Variants in ZNF69 observed in about 807,000 individuals in gnomAD.
The protein encoded by ZNF69 is ZNF3.
A neutral mutation model predicts 50.9 loss-of-function variants in ZNF69; 47 were observed. The ratio of observed to expected loss-of-function variants is 0.92; its 90% CI spans 0.73 to 1.18. The LOEUF (loss-of-function observed/expected upper bound fraction) is 1.18. ZNF69 is among the 50% of genes most tolerant of loss of function. The pLI is 0.00. For synonymous variants in ZNF69, 216 were observed against 223.1 expected (o/e 0.97, Z 0.29); for missense variants, 717 against 675.1 (o/e 1.06, Z -0.69).
chr19:11,956,360 T>C, the ZNF69 span: 1 of 381,328 alleles, frequency 2.6e-6, no homozygotes, highest in South Asian at 1.5e-4. Flanking sequence ...TTTCTCAATA[T>C]GTTTATTGAG....
chr19:11,924,731 G>A, the ZNF69 span, among the ~76,000 whole-genome samples: 5 of 152,146 alleles, frequency 3.3e-5, no homozygotes, highest in Admixed American at 1.3e-4. Context: ...GCCTGGCCTG[G>A]TCTCGGTTCC....
chr19:11,950,658 C>G, the ZNF69 span: 1 of 313,434 alleles, frequency 3.2e-6, no homozygotes. Context: ...TGCCAAGATT[C>G]TTTGAATACA....
At chr19:11,898,116 A>AC (rs1441236537) in intron 1 of ZNF69, among the ~76,000 whole-genome samples, 20 of 152,200 alleles carry the variant, frequency 1.3e-4, no homozygotes, top group African/African-American at 4.8e-4. Flanking sequence ...TAACTGCCTT[A>AC]CATTTTTTTA....
the ZNF69 span, among the ~76,000 whole-genome samples, chr19:11,924,832 C>A: frequency 6.6e-6 from 1 of 152,280 alleles, no homozygotes; most frequent in African/African-American, 2.4e-5. Context: ...AACGAAGGAG[C>A]GGGGACTGTC....
the ZNF69 span, chr19:11,948,590 C>T: frequency 6.2e-7 from 1 of 1,607,852 alleles, no homozygotes; most frequent in Admixed American, 1.7e-5. Context: ...AGGGATCACA[C>T]TGGAGAGAAA....
chr19:11,965,345 G>T, the ZNF69 span: 1 of 1,279,204 alleles, frequency 7.8e-7, no homozygotes, highest in Non-Finnish European at 1.1e-6. Flanking sequence ...GGAGCTGCTC[G>T]GCCCTCGGTC....
chr19:11,965,625 C>G, the ZNF69 span, among the ~76,000 whole-genome samples: 1 of 152,192 alleles, frequency 6.6e-6, no homozygotes, highest in Non-Finnish European at 1.5e-5. Flanking sequence ...AGTACATTAA[C>G]AATTAAAGAG....
At chr19:11,955,152 A>G in the ZNF69 span, among the ~76,000 whole-genome samples, 912 of 151,582 alleles carry the variant, frequency 6.0e-3, 9 homozygotes, top group African/African-American at 0.022. Flanking sequence ...CTACAGGCGC[A>G]TACCACCATG....
chr19:11,970,976 A>T, the ZNF69 span, among the ~76,000 whole-genome samples: 1 of 152,098 alleles, frequency 6.6e-6, no homozygotes, highest in Non-Finnish European at 1.5e-5. Context: ...CTGGTCTCAC[A>T]ATTTGCTGTT....
At chr19:11,888,882 A>T (rs111917687) in intron 1 of ZNF69, among the ~76,000 whole-genome samples, 299 of 152,292 alleles carry the variant, frequency 2.0e-3, no homozygotes, top group Non-Finnish European at 3.4e-3. Context: ...CTGAGACAAG[A>T]GAATTACTTG....
chr19:11,948,285 A>G, the ZNF69 span: 4 of 1,612,934 alleles, frequency 2.5e-6, no homozygotes, highest in South Asian at 1.1e-5. Context: ...GGAGTCTCAT[A>G]GAAGAGAAAG....
chr19:11,961,746 G>A, the ZNF69 span: 1 of 152,158 alleles, frequency 6.6e-6, no homozygotes, highest in East Asian at 1.9e-4. Context: ...CTCCAGAGTA[G>A]CTGGGATTAC....
At chr19:11,932,795 GT>G in the ZNF69 span, among the ~76,000 whole-genome samples, 16 of 146,984 alleles carry the variant, frequency 1.1e-4, 2 homozygotes, top group African/African-American at 4.3e-4. Context: ...CCGCCACCCC[GT>G]CCGGCTAATT....
At chr19:11,948,368 A>G in the ZNF69 span, 2 of 1,614,012 alleles carry the variant, frequency 1.2e-6, no homozygotes, top group Non-Finnish European at 1.7e-6. Context: ...CTGAACTTCC[A>G]GGAGAAGAAA....
chr19:11,900,422 G>A (rs1972219341), intron 1 of ZNF69, among the ~76,000 whole-genome samples: 4 of 150,620 alleles, frequency 2.7e-5, no homozygotes, highest in South Asian at 2.1e-4. Flanking sequence ...GCGTGATCTC[G>A]GCTCACTGCA....
chr19:11,930,545 G>A, the ZNF69 span, among the ~76,000 whole-genome samples: 30 of 148,346 alleles, frequency 2.0e-4, 3 homozygotes, highest in Admixed American at 1.6e-3. Context: ...CACTATAACC[G>A]GCAACTCTAG....
the ZNF69 span, among the ~76,000 whole-genome samples, chr19:11,953,845 T>A: frequency 6.6e-6 from 1 of 152,202 alleles, no homozygotes; most frequent in East Asian, 1.9e-4. Context: ...GAAAATGAAA[T>A]GTATTCAAAG....
At chr19:11,965,665 G>A in the ZNF69 span, among the ~76,000 whole-genome samples, 4 of 152,212 alleles carry the variant, frequency 2.6e-5, no homozygotes, top group African/African-American at 7.2e-5. Flanking sequence ...ATTCAGTAAT[G>A]AGAACCACCC....
intron 3 of ZNF69, among the ~76,000 whole-genome samples, 160 bp downstream of exon 3, chr19:11,904,125 G>T (rs934251473): frequency 6.6e-6 from 1 of 152,122 alleles, no homozygotes; most frequent in African/African-American, 2.4e-5. Flanking sequence ...TAGGCTGTGG[G>T]CTCACTCCTG....
Sources: gnomAD v4.1 joint callset for allele counts (sites outside exome capture counted in the v4.1 genomes callset) on GRCh38, gnomAD v4.1.1 for gene constraint, MANE v1.5 for transcripts, NCBI Gene and HGNC (gene_info 2026-07-23, HGNC 2026-07-21) for gene names.